PRG4: variants seen among roughly 807,000 people sequenced by gnomAD.
PRG4 encodes the protein proteoglycan 4.
PRG4 carries 61 observed loss-of-function variants against 91.2 expected under a neutral mutation model. The observed-to-expected ratio is 0.67, with a 90% CI of 0.54 to 0.83. The LOEUF (loss-of-function observed/expected upper bound fraction) is 0.83. Ranked by LOEUF, PRG4 falls within the 40% of genes least tolerant of loss-of-function variation. The pLI is 0.00. For synonymous variants in PRG4, 576 were observed against 614.2 expected (o/e 0.94, Z 0.92); for missense variants, 1,564 against 1,714.2 (o/e 0.91, Z 1.55).
intron 2 of PRG4, among the ~76,000 whole-genome samples, chr1:186,299,619 C>A (rs180772228): frequency 2.6e-5 from 4 of 152,104 alleles, no homozygotes; most frequent in African/African-American, 7.2e-5. Context: ...ATTAACTAGT[C>A]GTGTGATAAT....
chr1:186,308,543 G>A lies in PRG4; in HGVS notation c.2824G>A (p.Ala942Thr). The A allele has an allele frequency of 6.2e-7, 1 of 1,613,564 alleles. No individual in the cohort carries two copies. The highest frequency in any genetic ancestry group is 8.5e-7 in the Non-Finnish European group (1 of 1,180,014). The change falls in exon 7 of 13, where the codon GCA (alanine) becomes ACA (threonine). Residue 942 changes from alanine to threonine, a missense_variant. Physicochemically the swap from Ala to Thr is moderately conservative, Grantham distance 58. Around this residue, in one of 3 missense-constraint regions of PRG4, gnomAD observed 1,079 missense variants for 1,162.2 expected, o/e 0.93. Coordinates refer to ENST00000445192, the MANE Select transcript of PRG4 (RefSeq NM_005807.6). ...TAAPKMTKETATTTEKTTESK... is the reference protein window; with the variant it reads ...TAAPKMTKETTTTTEKTTESK... The stretch of plus-strand genomic sequence containing the variant: ...TGCACCTAAGATGACAAAAGAGACA[G>A]CAACTACAACAGAAAAAACTACCGA...
Position 186,308,438 on chromosome 1 carries a change from A to G in PRG4, c.2719A>G (p.Thr907Ala). 1 of 1,614,010 alleles carries G rather than the reference A, an allele frequency of 6.2e-7. No homozygotes were observed. Among genetic ancestry groups the G allele is most frequent in the African/African-American group, 1.3e-5 (1 of 75,060 alleles). Reference sequence around the variant, plus strand: ...ACCTACAACTAAGACTCCTGCAGCGACTAAACCTGAAATGACTACAACAGC... The same window carrying G: ...ACCTACAACTAAGACTCCTGCAGCGGCTAAACCTGAAATGACTACAACAGC... ...GVPTTKTPAA[T>A]KPEMTTTAKD... The change falls in exon 7 of 13, where the codon ACT becomes GCT. Residue 907 changes from threonine (T) to alanine (A), a missense_variant. Transcript: ENST00000445192.
intron 2 of PRG4, 58 bp downstream of exon 2, chr1:186,297,009 G>C: frequency 7.1e-7 from 1 of 1,415,566 alleles, no homozygotes; most frequent in Non-Finnish European, 1.0e-6. Context: ...ATTCAGTCTT[G>C]ATTTTTATAA....
In PRG4 at chr1:186,297,468, A is replaced by G. The variant is rs539860523; in HGVS notation, c.76+517A>G. Reference sequence around the variant, plus strand: ...ATGTTCTCTTTTTCTTACAAGAACTATTTATCCAGGTATGGACATATACAG... The same window carrying G: ...ATGTTCTCTTTTTCTTACAAGAACTGTTTATCCAGGTATGGACATATACAG... On this transcript the variant is annotated intron_variant, in intron 2 of 12. Transcript: ENST00000445192. 2.6e-3 allele frequency among the ~76,000 whole-genome samples: 398 copies of G among 152,300 alleles called. 1 individual carries two copies. Among genetic ancestry groups the G allele is most frequent in the Middle Eastern group, 6.8e-3 (2 of 292 alleles).
chr1:186,300,281 C>A, intron 3 of PRG4, 68 bp downstream of exon 3: 1 of 1,596,768 alleles, frequency 6.3e-7, no homozygotes, highest in Admixed American at 1.7e-5. Context: ...CCCCTTGCAC[C>A]CTCGTGCAGT....
Position 186,304,144 on chromosome 1 carries a change from C to T in PRG4, c.356C>T (p.Ala119Val). The change falls in exon 5 of 13, where the codon GCA becomes GTA. Residue 119 changes from alanine to valine, a missense_variant. Coordinates refer to ENST00000445192, the MANE Select transcript of PRG4 (RefSeq NM_005807.6). ...NPTSPPSSKK[A>V]PPPSGASQTI... ...ACATCACCACCATCTTCAAAGAAAG[C>T]ACCTCCACCTTCAGGAGCATCTCAA... 1.2e-6 allele frequency: 2 copies of T among 1,614,088 alleles called. No individual in the cohort carries two copies. The highest frequency in any genetic ancestry group is 1.7e-6 in the Non-Finnish European group (2 of 1,179,908).
Position 186,306,369 on chromosome 1 carries a change from C to T in PRG4, c.650C>T (p.Pro217Leu), listed in dbSNP as rs2102019859. The change falls in exon 7 of 13, where the codon CCA becomes CTA. Residue 217 changes from proline to leucine, a missense_variant. Transcript: ENST00000445192. ...AAAAAGAAACCTACCCCCAAACCACCAGTTGTAGATGAAGCTGGAAGTGGA... is the reference window on the plus strand; with the variant it reads ...AAAAAGAAACCTACCCCCAAACCACTAGTTGTAGATGAAGCTGGAAGTGGA... The part of the protein sequence containing the change: ...RTKKKPTPKP[P>L]VVDEAGSGLD... 1 of 1,611,224 alleles carries T rather than the reference C, an allele frequency of 6.2e-7. No individual in the cohort carries two copies.
In PRG4 at chr1:186,308,602, A is replaced by G. The variant is rs201850803; in HGVS notation, c.2883A>G (p.Thr961=). Reference sequence around the variant, plus strand: ...TAACAGCTACAACCACACAAGTAACATCTACCACAACTCAAGATACCACAC... The same window carrying G: ...TAACAGCTACAACCACACAAGTAACGTCTACCACAACTCAAGATACCACAC... ...SKITATTTQV[T]STTTQDTTPF... The change falls in exon 7 of 13, where the codon ACA becomes ACG. Residue 961 remains threonine (T), a synonymous_variant. Coordinates refer to ENST00000445192, the MANE Select transcript of PRG4 (RefSeq NM_005807.6). The G allele has an allele frequency of 4.0e-5, 64 of 1,613,584 alleles. 1 individual carries two copies. The Middle Eastern group carries it at 2.5e-3, about 62-fold the overall frequency.
At chr1:186,311,303 A>G in intron 9 of PRG4, 133 bp downstream of exon 9, 4 of 1,415,598 alleles carry the variant, frequency 2.8e-6, no homozygotes, top group Non-Finnish European at 4.0e-6. Context: ...TCATAATTCA[A>G]CAGTTTGATA....
chr1:186,309,879 T>C lies in PRG4; in HGVS notation c.3499+9T>C, dbSNP rs759821802. On this transcript the variant is annotated intron_variant, in intron 8 of 12. Transcript: ENST00000445192. ...ATTAGTTGCATTCCGAGGTGAGCTA[T>C]GTACACATTTATTTTTCTTCTCATC... 6.8e-6 allele frequency: 11 copies of C among 1,607,374 alleles called. No homozygotes were observed. Among genetic ancestry groups the C allele is most frequent in the South Asian group, 6.6e-5 (6 of 90,962 alleles).
intron 2 of PRG4, 77 bp from the exon 3 acceptor site, chr1:186,300,014 C>T (rs1656095778): frequency 4.5e-6 from 7 of 1,543,368 alleles, no homozygotes; most frequent in South Asian, 1.1e-5. Context: ...CACCAAGTGG[C>T]TTTGTCCCCC....
intron 2 of PRG4, 22 bp downstream of exon 2, chr1:186,296,973 C>A (rs766944036): frequency 6.3e-7 from 1 of 1,587,970 alleles, no homozygotes; most frequent in South Asian, 1.1e-5. Flanking sequence ...ATCGAACATA[C>A]TTTTATTTAA....
intron 3 of PRG4, 129 bp downstream of exon 3, chr1:186,300,342 C>A: frequency 1.6e-6 from 2 of 1,218,644 alleles, no homozygotes; most frequent in Non-Finnish European, 2.4e-6. Flanking sequence ...TGTTTTCCCA[C>A]TGTATCACTT....
Position 186,301,589 on chromosome 1 carries a change from T to C in PRG4, c.200-3T>C. 1 of 1,613,958 alleles carries C rather than the reference T, an allele frequency of 6.2e-7. No individual in the cohort carries two copies. Among genetic ancestry groups the C allele is most frequent in the Non-Finnish European group, 8.5e-7 (1 of 1,179,938 alleles). On this transcript the variant is annotated splice_region_variant and splice_polypyrimidine_tract_variant and intron_variant, in intron 3 of 12. Transcript: ENST00000445192. Reference sequence around the variant, plus strand: ...CTGTAACTTCTTGTTTTGCTCTGGGTAGAGCTTTCCTGTAAAGGCCGCTGC... The same window carrying C: ...CTGTAACTTCTTGTTTTGCTCTGGGCAGAGCTTTCCTGTAAAGGCCGCTGC...
rs1240025599 is a variant in PRG4 at position 186,306,816 on chromosome 1, C to T, written c.1097C>T (p.Pro366Leu). The change falls in exon 7 of 13, where the codon CCC becomes CTC. Residue 366 changes from proline (P) to leucine (L), a missense_variant. Pro to Leu is a moderately conservative substitution (Grantham distance 98). Coordinates refer to ENST00000445192, the MANE Select transcript of PRG4 (RefSeq NM_005807.6). The part of the protein sequence containing the change: ...KEPASTTPKE[P>L]TPTTIKSAPT... ...CCTGCATCTACCACACCCAAAGAGC[C>T]CACACCTACCACCATCAAGTCTGCA... The T allele has an allele frequency of 6.2e-7, 1 of 1,612,318 alleles. No homozygotes were observed. The highest frequency in any genetic ancestry group is 1.7e-5 in the Admixed American group (1 of 59,838).
chr1:186,300,502 G>A (rs893193347), intron 3 of PRG4, among the ~76,000 whole-genome samples: 7 of 152,174 alleles, frequency 4.6e-5, no homozygotes, highest in African/African-American at 1.7e-4. Context: ...CCAAGTAAAT[G>A]TCTTATTTTA....
At chr1:186,304,994 G>C in intron 6 of PRG4, 72 bp downstream of exon 6, 1 of 1,500,520 alleles carries the variant, frequency 6.7e-7, no homozygotes, top group Non-Finnish European at 9.2e-7. Context: ...AAAGTAATGC[G>C]TGTTGGCAGA....
chr1:186,301,536 A>G, intron 3 of PRG4, 56 bp from the exon 4 acceptor site: 1 of 1,611,230 alleles, frequency 6.2e-7, no homozygotes, highest in Non-Finnish European at 8.5e-7. Flanking sequence ...GCTGTCAAAT[A>G]CGTGGGCCTG....
chr1:186,308,565 C>T lies in PRG4; in HGVS notation c.2846C>T (p.Thr949Ile), dbSNP rs780556356. ...ACAGCAACTACAACAGAAAAAACTA[C>T]CGAATCCAAAATAACAGCTACAACC... ...KETATTTEKTTESKITATTTQ... is the reference protein window; with the variant it reads ...KETATTTEKTIESKITATTTQ... The change falls in exon 7 of 13, where the codon ACC (threonine) becomes ATC (isoleucine). Residue 949 changes from threonine to isoleucine, a missense_variant. Physicochemically the swap from Thr to Ile is moderately conservative, Grantham distance 89 (BLOSUM62 -1). Around this residue, in one of 3 missense-constraint regions of PRG4, gnomAD observed 1,079 missense variants for 1,162.2 expected, o/e 0.93. Transcript: ENST00000445192. 37 of 1,613,564 alleles carry T rather than the reference C, an allele frequency of 2.3e-5. No homozygotes were observed. Among genetic ancestry groups the T allele is most frequent in the Non-Finnish European group, 3.1e-5 (37 of 1,180,000 alleles).
Sources: allele counts gnomAD v4.1 joint callset (sites outside exome capture counted in the v4.1 genomes callset), GRCh38; gene constraint gnomAD v4.1.1; regional missense constraint gnomAD v4.1.1; transcripts MANE v1.5; gene names NCBI Gene and HGNC (gene_info 2026-07-23, HGNC 2026-07-21).